The following EFEMP1 variants were observed in gnomAD, a reference collection of about 807,000 sequenced individuals.
EFEMP1 encodes the protein EGF-like fibulin extracellular matrix protein 1, also known as EGF-containing fibulin-like extracellular matrix protein 1.
In EFEMP1, 18 loss-of-function variants were observed where a neutral mutation model predicts 65.7. The ratio of observed to expected loss-of-function variants is 0.27; its 90% CI spans 0.19 to 0.41. EFEMP1 has a LOEUF of 0.41. Among genes scored for constraint, EFEMP1 ranks in the 10% least tolerant of loss-of-function variants. The pLI is 1.00. For missense variants in EFEMP1, 469 were observed against 624.8 expected, an observed-to-expected ratio of 0.75 and a Z score of 2.66; for synonymous variants, 237 against 219.7, an observed-to-expected ratio of 1.08 and a Z score of -0.70.
Position 55,917,596 on chromosome 2 carries a change from T to C in EFEMP1, c.517+69A>G. ...CACGCGAGAAGTCCTTAATAAATTA[T>C]CATCATCCTCACCACGAGGTGCACT... On this transcript the variant is annotated intron_variant, in intron 5 of 11. Transcript: ENST00000355426. This position sits in a 1 kb window ranked among gnomAD's most constrained non-coding sequence, Gnocchi z 6.3. The C allele has an allele frequency of 6.2e-7, 1 of 1,600,880 alleles. No individual in the cohort carries two copies. Among genetic ancestry groups the C allele is most frequent in the South Asian group, 1.1e-5 (1 of 90,292 alleles).
rs7572595 is a variant in EFEMP1, at chr2:55,889,526, G to A, written c.518-7792C>T. ...TTATTTGCACTAAATTCTTTTTTCT[G>A]TTCTCTTTTTGATTCAAAATTCCAG... On this transcript the variant is annotated intron_variant, in intron 5 of 11. Coordinates refer to ENST00000355426, the MANE Select transcript of EFEMP1 (RefSeq NM_001039348.3). 3.9e-5 allele frequency among the ~76,000 whole-genome samples: 6 copies of A among 151,950 alleles called. No homozygotes were observed. The East Asian group carries it at 9.7e-4, about 24-fold the overall frequency.
chr2:55,875,806 A>G (rs1669010320), intron 8 of EFEMP1, among the ~76,000 whole-genome samples: 2 of 152,124 alleles, frequency 1.3e-5, no homozygotes, highest in African/African-American at 4.8e-5. Context: ...TTTCAGGGGA[A>G]GAATGCTTTG....
At chr2:55,879,218 A>G (rs55722628) in intron 6 of EFEMP1, among the ~76,000 whole-genome samples, 361 of 152,254 alleles carry the variant, frequency 2.4e-3, no homozygotes, top group Non-Finnish European at 3.7e-3. Context: ...TTGTCTGTTC[A>G]TTGTTAGATC....
At chr2:55,915,345 AC>A (rs761107859) in intron 5 of EFEMP1, among the ~76,000 whole-genome samples, 19 of 152,228 alleles carry the variant, frequency 1.2e-4, no homozygotes, top group Non-Finnish European at 2.1e-4. Flanking sequence ...TCTGCTTATA[AC>A]TAAAAAAAAT....
rs956131837 is a variant in EFEMP1 at position 55,871,614 on chromosome 2, T to C, written c.1001-491A>G. 2.6e-5 allele frequency among the ~76,000 whole-genome samples: 4 copies of C among 151,830 alleles called. No homozygotes were observed. The South Asian group carries it at 8.3e-4, about 32-fold the overall frequency. ...ATCTCAACGTGGCCTTGAAGGGTGG[T>C]GGTTAGATGGAGTTTTCATGGCTGG... On this transcript the variant is annotated intron_variant, in intron 9 of 11. Coordinates refer to ENST00000355426, the MANE Select transcript of EFEMP1 (RefSeq NM_001039348.3). This position sits in a 1 kb window ranked among gnomAD's most constrained non-coding sequence, Gnocchi z 4.2.
At chr2:55,881,448 T>C (rs1468897031) in intron 6 of EFEMP1, among the ~76,000 whole-genome samples, 164 bp downstream of exon 6, 2 of 152,210 alleles carry the variant, frequency 1.3e-5, no homozygotes, top group African/African-American at 4.8e-5. Flanking sequence ...ACCTTTAAGG[T>C]TGTTTCTTGT....
At chr2:55,916,228 GC>G (rs372601066) in intron 5 of EFEMP1, among the ~76,000 whole-genome samples, 8 of 151,258 alleles carry the variant, frequency 5.3e-5, no homozygotes, top group African/African-American at 1.9e-4. Flanking sequence ...TCCTGCTTCA[GC>G]CTCTCTAGTA....
chr2:55,890,537 T>G (rs1374447805), intron 5 of EFEMP1, among the ~76,000 whole-genome samples: 1 of 152,002 alleles, frequency 6.6e-6, no homozygotes, highest in Non-Finnish European at 1.5e-5. Context: ...TAAAAGAAAA[T>G]GGCTATATGC....
chr2:55,910,365 A>G lies in EFEMP1; in HGVS notation c.517+7300T>C, dbSNP rs915484685. ...GCGATTTGCAATTACCTCCTGGAAAAAGCAACATGCTAATGAATTTCAGAT... is the reference window on the plus strand; with the variant it reads ...GCGATTTGCAATTACCTCCTGGAAAGAGCAACATGCTAATGAATTTCAGAT... On this transcript the variant is annotated intron_variant, in intron 5 of 11. Transcript: ENST00000355426. 9.2e-5 allele frequency among the ~76,000 whole-genome samples: 14 copies of G among 152,302 alleles called. No individual in the cohort carries two copies. In the East Asian group the frequency reaches 2.3e-3, roughly 25 times the overall value.
At position 55,891,630 on chromosome 2, in the gene EFEMP1, C is replaced by T. The variant is rs147882957; in HGVS notation, c.518-9896G>A. Among the ~76,000 whole-genome samples, 640 of 152,138 alleles carry T rather than the reference C, an allele frequency of 4.2e-3. 2 individuals carry two copies. The highest frequency in any genetic ancestry group is 5.8e-3 in the Non-Finnish European group (391 of 67,918). On this transcript the variant is annotated intron_variant, in intron 5 of 11. Transcript: ENST00000355426. ...TATCTCCCAACATCTGAAATACTTGCCTCATGATGAAGTGTAGCAAGAAAA... is the reference window on the plus strand; with the variant it reads ...TATCTCCCAACATCTGAAATACTTGTCTCATGATGAAGTGTAGCAAGAAAA...
chr2:55,923,062 G>C lies in EFEMP1; in HGVS notation c.-48-123C>G. 1.6e-6 allele frequency: 1 copy of C among 622,910 alleles called. No individual in the cohort carries two copies. Among genetic ancestry groups the C allele is most frequent in the Admixed American group, 5.7e-5 (1 of 17,424 alleles). The allele number at this position is 622,910 out of a possible 1,614,324, so 38.6% of individuals were successfully genotyped here. A position where few individuals can be genotyped will look rare whatever the true frequency, so the allele number is the denominator to read the frequency against. ...ATACTAGACCTTCTCACATGTCTCA[G>C]AGCTTCTCACATCCCCCAGCACAAA... On this transcript the variant is annotated intron_variant, in intron 1 of 11. Transcript: ENST00000355426. The surrounding 1 kb of genome is among the most constrained non-coding windows in gnomAD (Gnocchi z 5.3).
rs552805479 is a variant in EFEMP1, at chr2:55,892,539, T to A, written c.518-10805A>T. ...AATGGACTCATCTTTCTGGATAGGA[T>A]TAAATGGCTCTGTTAGAAGAGTGGG... is the stretch of plus-strand genomic sequence containing the variant. On this transcript the variant is annotated intron_variant, in intron 5 of 11. Transcript: ENST00000355426. 7.2e-5 allele frequency among the ~76,000 whole-genome samples: 11 copies of A among 152,222 alleles called. No individual in the cohort carries two copies. In the East Asian group the frequency reaches 2.1e-3, roughly 29 times the overall value.
intron 4 of EFEMP1, 46 bp from the exon 5 acceptor site, chr2:55,918,097 A>AATC (rs752045104): frequency 1.5e-4 from 240 of 1,614,000 alleles, no homozygotes; most frequent in Non-Finnish European, 1.9e-4. Context: ...AAGAGGGAAA[A>AATC]ATCAAACATG....
chr2:55,896,393 A>C (rs542606542), intron 5 of EFEMP1, among the ~76,000 whole-genome samples: 2 of 152,340 alleles, frequency 1.3e-5, no homozygotes, highest in South Asian at 4.1e-4. Flanking sequence ...CTCAAACAGT[A>C]AAAATCCTTT....
At chr2:55,868,225 T>C (rs553764963) in intron 11 of EFEMP1, among the ~76,000 whole-genome samples, 2 of 152,328 alleles carry the variant, frequency 1.3e-5, no homozygotes, top group East Asian at 3.9e-4. Flanking sequence ...TAATAACACC[T>C]TGAAGGTGTT....
intron 4 of EFEMP1, 71 bp from the exon 5 acceptor site, chr2:55,918,122 A>G: frequency 1.9e-6 from 3 of 1,613,318 alleles, no homozygotes; most frequent in African/African-American, 1.3e-5. Flanking sequence ...TATAATGCTC[A>G]TGCCTTTTTG....
At chr2:55,920,638 T>C (rs181733431) in intron 3 of EFEMP1, among the ~76,000 whole-genome samples, 22 of 152,350 alleles carry the variant, frequency 1.4e-4, no homozygotes, top group South Asian at 6.2e-4. Context: ...GTTTTAGGTA[T>C]TTACTTCTAG....
At chr2:55,869,911 G>T (rs1668733788) in intron 11 of EFEMP1, among the ~76,000 whole-genome samples, 1 of 152,088 alleles carries the variant, frequency 6.6e-6, no homozygotes, top group East Asian at 1.9e-4. Flanking sequence ...CTGGAAGGCT[G>T]AGGCTTTGGG....
At chr2:55,894,073 T>C (rs1669727045) in intron 5 of EFEMP1, among the ~76,000 whole-genome samples, 1 of 152,140 alleles carries the variant, frequency 6.6e-6, no homozygotes, top group African/African-American at 2.4e-5. Context: ...ATAAAATCAG[T>C]CCTATCAGAG....
Sources: allele counts gnomAD v4.1 joint callset (sites outside exome capture counted in the v4.1 genomes callset), GRCh38; gene constraint gnomAD v4.1.1; non-coding constraint Gnocchi (gnomAD v3.1); transcripts MANE v1.5; gene names NCBI Gene and HGNC (gene_info 2026-07-23, HGNC 2026-07-21).